ADARB2: variants seen among roughly 807,000 people sequenced by gnomAD.
ADARB2 encodes the protein inactive double-stranded RNA-specific editase B2.
ADARB2 carries 25 observed loss-of-function variants against 62.2 expected under a neutral mutation model. That is an observed-to-expected ratio of 0.40 (90% confidence interval 0.29 to 0.56). The LOEUF (loss-of-function observed/expected upper bound fraction) is 0.56. ADARB2 is among the 20% of genes least tolerant of loss of function. The probability of loss-of-function intolerance (pLI) is 0.43; values close to 1 mark genes in which losing one functional copy is unlikely to be tolerated. For missense variants in ADARB2, 1,071 were observed against 1,077.4 expected (o/e 0.99, Z 0.08); for synonymous variants, 572 against 500.8 (o/e 1.14, Z -1.90).
At chr10:1,412,877 C>T (rs1014677683) in intron 1 of ADARB2, among the ~76,000 whole-genome samples, 1 of 152,222 alleles carries the variant, frequency 6.6e-6, no homozygotes, top group Non-Finnish European at 1.5e-5. Context: ...AGGAAATCCA[C>T]CCGCAGTGTT....
At chr10:1,441,764 C>A (rs1252740823) in intron 1 of ADARB2, among the ~76,000 whole-genome samples, 1 of 152,122 alleles carries the variant, frequency 6.6e-6, no homozygotes. Flanking sequence ...CTTTAATTTT[C>A]AAAATTGACA....
In ADARB2 at chr10:1,382,455, G is replaced by A. The variant is rs112482677; in HGVS notation, c.101-3295C>T. On this transcript the variant is annotated intron_variant, in intron 1 of 9. Coordinates refer to ENST00000381312, the MANE Select transcript of ADARB2 (RefSeq NM_018702.4). The stretch of plus-strand genomic sequence containing the variant: ...AGAAAGGGCAGACCGCATCTTTAGA[G>A]TGTTCTTAGAAAAGAGGTGAAGAAT... 6.1e-3 allele frequency among the ~76,000 whole-genome samples: 935 copies of A among 152,338 alleles called. 11 individuals carry two copies. Among genetic ancestry groups the A allele is most frequent in the African/African-American group, 0.021 (863 of 41,586 alleles).
chr10:1,453,172 C>G (rs994035131), intron 1 of ADARB2, among the ~76,000 whole-genome samples: 4 of 152,224 alleles, frequency 2.6e-5, no homozygotes, highest in African/African-American at 9.6e-5. Context: ...AGACGTTAGA[C>G]AAGGCAGCTC....
At chr10:1,489,051 A>C (rs1831587852) in intron 1 of ADARB2, among the ~76,000 whole-genome samples, 1 of 152,262 alleles carries the variant, frequency 6.6e-6, no homozygotes, top group African/African-American at 2.4e-5. Context: ...GCGACTGCGC[A>C]CCTCGGATCA....
chr10:1,472,272 T>A (rs1172342865), intron 1 of ADARB2, among the ~76,000 whole-genome samples: 1 of 152,210 alleles, frequency 6.6e-6, no homozygotes, highest in Non-Finnish European at 1.5e-5. Flanking sequence ...TGACCATGCA[T>A]GAGGGGCAAG....
At chr10:1,547,878 A>G (rs981864945) in intron 1 of ADARB2, among the ~76,000 whole-genome samples, 4 of 152,090 alleles carry the variant, frequency 2.6e-5, no homozygotes, top group Non-Finnish European at 5.9e-5. Flanking sequence ...TGAAGGCCAG[A>G]GCCAAGACTC....
At chr10:1,303,127 T>C (rs910265957) in intron 3 of ADARB2, among the ~76,000 whole-genome samples, 4 of 151,558 alleles carry the variant, frequency 2.6e-5, no homozygotes, top group African/African-American at 7.2e-5. Context: ...TTGAAAACTT[T>C]GAAAAAAATT....
chr10:1,567,462 C>A (rs1386612971), intron 1 of ADARB2, among the ~76,000 whole-genome samples: 1 of 152,196 alleles, frequency 6.6e-6, no homozygotes, highest in Admixed American at 6.5e-5. Context: ...CCCTCCCACT[C>A]TCCCAGGCCA....
intron 1 of ADARB2, among the ~76,000 whole-genome samples, chr10:1,420,799 C>CTA (rs1832845938): frequency 6.6e-6 from 1 of 152,128 alleles, no homozygotes; most frequent in African/African-American, 2.4e-5. Flanking sequence ...CCGCCCAGGG[C>CTA]TAGCCACAAA....
At chr10:1,434,369 C>T (rs1185262018) in intron 1 of ADARB2, among the ~76,000 whole-genome samples, 1 of 152,302 alleles carries the variant, frequency 6.6e-6, no homozygotes, top group East Asian at 1.9e-4. Context: ...TGTCAGGTTT[C>T]AGCTCCCGCT....
chr10:1,569,472 C>T (rs1421164477), intron 1 of ADARB2, among the ~76,000 whole-genome samples: 3 of 152,178 alleles, frequency 2.0e-5, no homozygotes, highest in Non-Finnish European at 4.4e-5. Context: ...CCAGAGGGAG[C>T]GTGGCTGGTT....
At chr10:1,553,629 TTC>T (rs1398553672) in intron 1 of ADARB2, among the ~76,000 whole-genome samples, 4 of 152,218 alleles carry the variant, frequency 2.6e-5, no homozygotes, top group African/African-American at 9.6e-5. Flanking sequence ...TCCCGGCTTC[TTC>T]TCTGTTTGAT....
intron 6 of ADARB2, among the ~76,000 whole-genome samples, chr10:1,222,798 A>G (rs1830706554): frequency 6.7e-6 from 1 of 149,688 alleles, no homozygotes; most frequent in African/African-American, 2.6e-5. Context: ...TACCAGTACC[A>G]TGCTGTTTTG....
intron 1 of ADARB2, among the ~76,000 whole-genome samples, chr10:1,496,845 C>T (rs778693112): frequency 2.6e-5 from 4 of 152,140 alleles, no homozygotes; most frequent in African/African-American, 4.8e-5. Flanking sequence ...TTTCCTCATA[C>T]GGAGAGCAAC....
intron 1 of ADARB2, among the ~76,000 whole-genome samples, chr10:1,538,052 G>T (rs1019092127): frequency 1.5e-4 from 23 of 152,242 alleles, no homozygotes; most frequent in African/African-American, 5.5e-4. Flanking sequence ...AGAGCAAGGT[G>T]GTGAAGGGCT....
At chr10:1,568,800 C>CTATCTATCTA (rs138239870) in intron 1 of ADARB2, among the ~76,000 whole-genome samples, 3 of 148,454 alleles carry the variant, frequency 2.0e-5, no homozygotes, top group South Asian at 2.2e-4. Flanking sequence ...ATGTCTCTAT[C>CTATCTATCTA]TCTATCTATC....
rs191215063 is a variant in ADARB2, at chr10:1,734,774, A to C, written c.100+2277T>G. Among the ~76,000 whole-genome samples, 410 of 152,316 alleles carry C rather than the reference A, an allele frequency of 2.7e-3. 4 individuals are homozygous for C. The highest frequency in any genetic ancestry group is 4.4e-3 in the Non-Finnish European group (300 of 68,028). On this transcript the variant is annotated intron_variant, in intron 1 of 9. Coordinates refer to ENST00000381312, the MANE Select transcript of ADARB2 (RefSeq NM_018702.4). Reference sequence around the variant, plus strand: ...TCTCTCATACACACGTGGATTTTAAATTGTGGCAAGTATAGAGTTTTAATA... The same window carrying C: ...TCTCTCATACACACGTGGATTTTAACTTGTGGCAAGTATAGAGTTTTAATA...
At chr10:1,277,039 A>G (rs1831324392) in intron 3 of ADARB2, among the ~76,000 whole-genome samples, 1 of 152,238 alleles carries the variant, frequency 6.6e-6, no homozygotes, top group Non-Finnish European at 1.5e-5. Flanking sequence ...GCAGAAATAA[A>G]GATGTTCTTT....
At chr10:1,371,601 C>A (rs1588235683) in intron 2 of ADARB2, among the ~76,000 whole-genome samples, 1 of 151,242 alleles carries the variant, frequency 6.6e-6, no homozygotes, top group East Asian at 2.0e-4. Flanking sequence ...AATAACTTAG[C>A]AAGAAAAAAC....
Sources: allele counts gnomAD v4.1 joint callset (sites outside exome capture counted in the v4.1 genomes callset), GRCh38; gene constraint gnomAD v4.1.1; transcripts MANE v1.5; gene names NCBI Gene and HGNC (gene_info 2026-07-23, HGNC 2026-07-21).